Variants in TNNI3K observed in about 807,000 individuals in gnomAD.
The protein encoded by TNNI3K is serine/threonine-protein kinase TNNI3K.
A neutral mutation model predicts 114.5 loss-of-function variants in TNNI3K; 140 were observed. The ratio of observed to expected loss-of-function variants is 1.22; its 90% CI spans 1.07 to 1.41. TNNI3K has a LOEUF of 1.41. TNNI3K is among the 40% of genes most tolerant of loss of function. The pLI is 0.00. For synonymous variants in TNNI3K, 347 were observed against 347.5 expected (o/e 1.00, Z 0.02); for missense variants, 1,125 against 1,007.6 (o/e 1.12, Z -1.58).
intron 17 of TNNI3K, among the ~76,000 whole-genome samples, chr1:74,417,816 T>C (rs1430805080): frequency 6.6e-6 from 1 of 151,942 alleles, no homozygotes; most frequent in African/African-American, 2.4e-5. Context: ...AATTGATACA[T>C]TTAGGAGAAT....
At position 74,464,541 on chromosome 1, in the gene TNNI3K, T is replaced by C. The variant is rs1489774120; in HGVS notation, c.2121+991T>C. The stretch of plus-strand genomic sequence containing the variant: ...TCAACAAGAGAATAAAGTGAGGCTA[T>C]TATTTCAGGAAATATCTCACTCAGG... On this transcript the variant is annotated intron_variant, in intron 21 of 24. Transcript: ENST00000326637. The C allele has an allele frequency of 1.0e-5, 15 of 1,436,770 alleles. No individual in the cohort carries two copies. The Admixed American group carries it at 4.0e-4, about 38-fold the overall frequency. 89.0% of individuals were successfully genotyped at this position (1,436,770 alleles called of 1,614,324 possible). A position where few individuals can be genotyped will look rare whatever the true frequency, so the allele number is the denominator to read the frequency against.
At chr1:74,543,750 A>G (rs772396527) in intron 24 of TNNI3K, among the ~76,000 whole-genome samples, 156 bp from the exon 25 acceptor site, 1 of 152,164 alleles carries the variant, frequency 6.6e-6, no homozygotes, top group Non-Finnish European at 1.5e-5. Context: ...TTCATTGTAA[A>G]TGTTGCTTGT....
intron 5 of TNNI3K, among the ~76,000 whole-genome samples, chr1:74,316,850 C>G (rs1659336205): frequency 1.2e-5 from 1 of 83,706 alleles, no homozygotes; most frequent in Non-Finnish European, 2.3e-5. Flanking sequence ...CCACCACGCC[C>G]AGCTAATTTT....
intron 5 of TNNI3K, among the ~76,000 whole-genome samples, chr1:74,312,169 C>T (rs146484191): frequency 4.6e-5 from 7 of 152,214 alleles, no homozygotes; most frequent in East Asian, 1.9e-4. Flanking sequence ...GAAAGAAAGT[C>T]GGGGGGAGAT....
intron 5 of TNNI3K, among the ~76,000 whole-genome samples, chr1:74,303,798 AAGAT>A (rs1395631957): frequency 1.3e-5 from 2 of 152,212 alleles, no homozygotes; most frequent in Non-Finnish European, 1.5e-5. Flanking sequence ...AGATGCCAGT[AAGAT>A]CATTTGCCAT....
intron 2 of TNNI3K, among the ~76,000 whole-genome samples, chr1:74,241,872 C>G (rs565609450): frequency 1.4e-5 from 2 of 140,550 alleles, no homozygotes; most frequent in Non-Finnish European, 3.0e-5. Flanking sequence ...TTTTTTCAGA[C>G]GGAGTCTCGC....
chr1:74,533,829 G>A (rs931240462), intron 23 of TNNI3K, among the ~76,000 whole-genome samples: 3 of 152,088 alleles, frequency 2.0e-5, no homozygotes, highest in East Asian at 1.9e-4. Context: ...ACCAAACACC[G>A]CATGTTCTCA....
At chr1:74,459,593 C>T (rs1667362098) in intron 20 of TNNI3K, among the ~76,000 whole-genome samples, 1 of 152,136 alleles carries the variant, frequency 6.6e-6, no homozygotes, top group Non-Finnish European at 1.5e-5. Flanking sequence ...TATTCATTTA[C>T]CAATTTTCAT....
chr1:74,355,686 G>C (rs1399504045), intron 11 of TNNI3K, among the ~76,000 whole-genome samples: 2 of 152,060 alleles, frequency 1.3e-5, no homozygotes, highest in East Asian at 3.9e-4. Context: ...GAGAAATGTA[G>C]TCTGATGGAT....
chr1:74,280,265 C>T lies in TNNI3K; in HGVS notation c.444+8557C>T, dbSNP rs184735742. ...GGCGTGGTGGCAGGTGCCTGTAGTC[C>T]CAGCTACTCAGGAGGCTGAGGCAGG... On this transcript the variant is annotated intron_variant, in intron 5 of 24. Transcript: ENST00000326637. 2.0e-4 allele frequency among the ~76,000 whole-genome samples: 30 copies of T among 152,112 alleles called. 1 individual carries two copies. Among genetic ancestry groups the T allele is most frequent in the African/African-American group, 7.2e-4 (30 of 41,510 alleles).
At chr1:74,235,532 G>A (rs200479188) in intron 1 of TNNI3K, 41 bp downstream of exon 1, 1 of 1,124,054 alleles carries the variant, frequency 8.9e-7, no homozygotes, top group Non-Finnish European at 1.3e-6. Context: ...AGTGTAATAT[G>A]GTTCAATTAT....
intron 23 of TNNI3K, among the ~76,000 whole-genome samples, chr1:74,539,301 A>T (rs1646697850): frequency 6.6e-6 from 1 of 152,214 alleles, no homozygotes; most frequent in African/African-American, 2.4e-5. Context: ...TGAAATGGAA[A>T]GAACTGGCTT....
intron 17 of TNNI3K, chr1:74,375,338 G>A (rs1043199336): frequency 3.0e-5 from 6 of 203,108 alleles, no homozygotes; most frequent in Non-Finnish European, 5.3e-5. Flanking sequence ...AAATAACTTT[G>A]GGAGGAACTT....
At chr1:74,246,353 A>G (rs1176057606) in intron 2 of TNNI3K, among the ~76,000 whole-genome samples, 2 of 152,264 alleles carry the variant, frequency 1.3e-5, no homozygotes, top group African/African-American at 4.8e-5. Flanking sequence ...TATGACTTCA[A>G]ATAGTAGAGG....
At chr1:74,504,411 C>T (rs1257578324) in intron 23 of TNNI3K, among the ~76,000 whole-genome samples, 2 of 152,108 alleles carry the variant, frequency 1.3e-5, no homozygotes, top group African/African-American at 2.4e-5. Context: ...GGAGACTTCA[C>T]GCCGAACAAA....
At chr1:74,263,744 A>G (rs1363690423) in intron 4 of TNNI3K, among the ~76,000 whole-genome samples, 1 of 152,030 alleles carries the variant, frequency 6.6e-6, no homozygotes, top group Non-Finnish European at 1.5e-5. Context: ...CAGATCAGGA[A>G]GGTTTCTGAA....
chr1:74,294,973 T>A (rs971704659), intron 5 of TNNI3K, among the ~76,000 whole-genome samples: 11 of 151,740 alleles, frequency 7.2e-5, no homozygotes, highest in Admixed American at 2.0e-4. Context: ...ATTAGATTAT[T>A]TATTTTCATC....
At chr1:74,304,546 G>A (rs1376436401) in intron 5 of TNNI3K, among the ~76,000 whole-genome samples, 1 of 152,114 alleles carries the variant, frequency 6.6e-6, no homozygotes, top group East Asian at 1.9e-4. Flanking sequence ...AGGCTCACAT[G>A]AACCTCCTCA....
intron 19 of TNNI3K, chr1:74,439,224 T>A: frequency 3.2e-6 from 1 of 314,744 alleles, no homozygotes; most frequent in Admixed American, 4.9e-5. Flanking sequence ...ACTTGTGTGA[T>A]GTTTTAGGAA....
Sources: allele counts gnomAD v4.1 joint callset (sites outside exome capture counted in the v4.1 genomes callset), GRCh38; gene constraint gnomAD v4.1.1; transcripts MANE v1.5; gene names NCBI Gene and HGNC (gene_info 2026-07-23, HGNC 2026-07-21).